Variants in PCDH9 observed in about 807,000 individuals in gnomAD.
The protein encoded by PCDH9 is protocadherin-9.
Under a neutral mutation model 70.6 loss-of-function variants are expected in PCDH9, and 24 were observed. The observed-to-expected ratio is 0.34, with a 90% CI of 0.25 to 0.48. PCDH9 has a LOEUF of 0.48. Among genes scored for constraint, PCDH9 ranks in the 20% least tolerant of loss-of-function variants. The pLI, the probability that PCDH9 is intolerant of heterozygous loss-of-function variation, is 0.99. For synonymous variants in PCDH9, 562 were observed against 558.5 expected (o/e 1.01, Z -0.09); for missense variants, 1,281 against 1,503.6 (o/e 0.85, Z 2.45).
rs1173375325 is a variant in PCDH9 at position 66,487,569 on chromosome 13, A to C, written c.3340+143641T>G. ...AAACTTACTTTGTCAATGTCCATAT[A>C]ATATTCCATAATATGGACGTAATAT... On this transcript the variant is annotated intron_variant, in intron 4 of 4. Coordinates refer to ENST00000377865, the MANE Select transcript of PCDH9 (RefSeq NM_203487.3). Among the ~76,000 whole-genome samples, 5 of 152,144 alleles carry C rather than the reference A, an allele frequency of 3.3e-5. No individual in the cohort carries two copies. In the East Asian group the frequency reaches 9.6e-4, roughly 29 times the overall value.
chr13:66,358,650 T>C (rs1349421446), intron 4 of PCDH9, among the ~76,000 whole-genome samples: 5 of 152,050 alleles, frequency 3.3e-5, no homozygotes, highest in Non-Finnish European at 7.4e-5. Context: ...ATTTCAATAT[T>C]AGTATAAAAA....
At chr13:66,578,771 AACATAATGAC>A (rs1157863807) in intron 4 of PCDH9, among the ~76,000 whole-genome samples, 5 of 152,130 alleles carry the variant, frequency 3.3e-5, no homozygotes, top group African/African-American at 4.8e-5. Flanking sequence ...CAATGATTAT[AACATAATGAC>A]ACATAATATG....
intron 2 of PCDH9, among the ~76,000 whole-genome samples, chr13:67,042,354 G>A (rs1039676405): frequency 2.0e-5 from 3 of 152,068 alleles, no homozygotes; most frequent in Non-Finnish European, 2.9e-5. Context: ...GGAAGACAAA[G>A]GAGAAACAAA....
intron 2 of PCDH9, among the ~76,000 whole-genome samples, chr13:67,076,030 C>T (rs1404858400): frequency 2.0e-5 from 3 of 151,908 alleles, no homozygotes; most frequent in Non-Finnish European, 4.4e-5. Flanking sequence ...TTAAAATAAA[C>T]AAATGTTTAT....
intron 2 of PCDH9, among the ~76,000 whole-genome samples, chr13:67,082,037 G>A (rs1247882236): frequency 6.6e-6 from 1 of 152,084 alleles, no homozygotes; most frequent in East Asian, 1.9e-4. Flanking sequence ...CATAAGCACT[G>A]CCGTGCCTTC....
intron 3 of PCDH9, among the ~76,000 whole-genome samples, chr13:66,861,840 A>C (rs1267871928): frequency 2.6e-5 from 4 of 152,212 alleles, no homozygotes; most frequent in African/African-American, 7.2e-5. Flanking sequence ...CCATTAACAA[A>C]ATCACAGGAC....
At chr13:66,608,866 T>A (rs2077254953) in intron 4 of PCDH9, among the ~76,000 whole-genome samples, 1 of 152,134 alleles carries the variant, frequency 6.6e-6, no homozygotes, top group African/African-American at 2.4e-5. Context: ...AGAAGAAAAA[T>A]GTATTTGTTA....
chr13:66,684,775 G>A (rs2078376610), intron 3 of PCDH9, among the ~76,000 whole-genome samples: 1 of 152,112 alleles, frequency 6.6e-6, no homozygotes, highest in Admixed American at 6.5e-5. Flanking sequence ...GGATAGTGAG[G>A]TGCAGCTCTA....
chr13:67,154,864 C>G (rs1186240120), intron 2 of PCDH9, among the ~76,000 whole-genome samples: 2 of 151,586 alleles, frequency 1.3e-5, no homozygotes, highest in Admixed American at 1.3e-4. Context: ...TCACCACACC[C>G]AGCAAATTTT....
At chr13:67,026,950 G>A (rs1246946974) in intron 2 of PCDH9, among the ~76,000 whole-genome samples, 8 of 152,190 alleles carry the variant, frequency 5.3e-5, no homozygotes, top group Admixed American at 1.3e-4. Flanking sequence ...CCACGCTCAT[G>A]GGTAGGAAGA....
chr13:66,450,698 T>G (rs1958187627), intron 4 of PCDH9, among the ~76,000 whole-genome samples: 4 of 152,148 alleles, frequency 2.6e-5, no homozygotes. Flanking sequence ...AAATTTCTAT[T>G]AGCTTAGGAA....
chr13:66,377,863 T>C (rs538932499), intron 4 of PCDH9, among the ~76,000 whole-genome samples: 1 of 152,314 alleles, frequency 6.6e-6, no homozygotes, highest in African/African-American at 2.4e-5. Context: ...CACCTTAATT[T>C]TTCTGCCTGG....
At chr13:66,822,767 C>T (rs1380358015) in intron 3 of PCDH9, among the ~76,000 whole-genome samples, 1 of 152,036 alleles carries the variant, frequency 6.6e-6, no homozygotes, top group Non-Finnish European at 1.5e-5. Flanking sequence ...GCCTCCACCT[C>T]CCAGTGCTGG....
intron 2 of PCDH9, among the ~76,000 whole-genome samples, chr13:67,056,607 C>T (rs1382714229): frequency 6.6e-6 from 1 of 152,072 alleles, no homozygotes; most frequent in Non-Finnish European, 1.5e-5. Context: ...CCCCTTTGTT[C>T]AAATCATGGC....
intron 4 of PCDH9, among the ~76,000 whole-genome samples, chr13:66,617,225 T>A (rs2077367050): frequency 6.6e-6 from 1 of 152,070 alleles, no homozygotes; most frequent in South Asian, 2.1e-4. Flanking sequence ...CCTGCCAAGG[T>A]CGTCAGAACT....
intron 3 of PCDH9, among the ~76,000 whole-genome samples, chr13:66,749,169 A>G (rs2079418994): frequency 1.3e-5 from 2 of 152,198 alleles, no homozygotes; most frequent in South Asian, 4.1e-4. Context: ...TTATAGCAGC[A>G]TAAGAACAGA....
chr13:66,982,223 C>T (rs1220325583), intron 2 of PCDH9, among the ~76,000 whole-genome samples: 1 of 152,174 alleles, frequency 6.6e-6, no homozygotes, highest in Admixed American at 6.5e-5. Flanking sequence ...AGAAACCGAG[C>T]GATGTCAGCC....
intron 4 of PCDH9, among the ~76,000 whole-genome samples, chr13:66,429,850 C>T (rs955299342): frequency 6.6e-6 from 1 of 152,018 alleles, no homozygotes; most frequent in African/African-American, 2.4e-5. Flanking sequence ...GTGTTAGCAC[C>T]AATGGTGATC....
chr13:66,758,108 T>C (rs80353960), intron 3 of PCDH9, among the ~76,000 whole-genome samples: 2,894 of 152,200 alleles, frequency 0.019, 88 homozygotes, highest in African/African-American at 0.066. Context: ...TTGTATATAT[T>C]TATTATGTAC....
Sources: allele counts gnomAD v4.1 joint callset (sites outside exome capture counted in the v4.1 genomes callset), GRCh38; gene constraint gnomAD v4.1.1; transcripts MANE v1.5; gene names NCBI Gene and HGNC (gene_info 2026-07-23, HGNC 2026-07-21).